Variants in RHBDD1 observed in about 807,000 individuals in gnomAD.
RHBDD1 encodes rhomboid-related protein 4.
A neutral mutation model predicts 36.3 loss-of-function variants in RHBDD1; 38 were observed. The observed-to-expected ratio is 1.05, with a 90% CI of 0.81 to 1.37. RHBDD1 has a LOEUF of 1.37. Ranked by LOEUF, RHBDD1 falls within the 40% of genes most tolerant of loss-of-function variation. The probability of loss-of-function intolerance (pLI) is 0.00; values close to 1 mark genes in which losing one functional copy is unlikely to be tolerated. For missense variants in RHBDD1, 393 were observed against 377.6 expected, an observed-to-expected ratio of 1.04 and a Z score of -0.34; for synonymous variants, 151 against 136.5, an observed-to-expected ratio of 1.11 and a Z score of -0.74.
chr2:226,865,173 G>A (rs763468835), intron 4 of RHBDD1, 47 bp downstream of exon 4: 7 of 1,397,318 alleles, frequency 5.0e-6, no homozygotes, highest in Non-Finnish European at 6.9e-6. Flanking sequence ...GGAAGCAAGG[G>A]AGGTGTGGCT....
chr2:226,850,274 C>G (rs948932787), intron 3 of RHBDD1, among the ~76,000 whole-genome samples: 1 of 152,046 alleles, frequency 6.6e-6, no homozygotes, highest in Non-Finnish European at 1.5e-5. Flanking sequence ...TGAGCAAACA[C>G]CTAAAGACAA....
At chr2:226,890,455 A>G (rs1946590782) in intron 5 of RHBDD1, among the ~76,000 whole-genome samples, 1 of 152,218 alleles carries the variant, frequency 6.6e-6, no homozygotes, top group Non-Finnish European at 1.5e-5. Flanking sequence ...TCTTCAGTGT[A>G]GTAACATTCT....
chr2:226,800,643 T>A, the RHBDD1 span, among the ~76,000 whole-genome samples: 2 of 152,214 alleles, frequency 1.3e-5, no homozygotes, highest in Non-Finnish European at 1.5e-5. Flanking sequence ...GAGAGGTCCC[T>A]TATCATATTC....
chr2:226,871,596 G>A (rs4675107), intron 5 of RHBDD1, among the ~76,000 whole-genome samples: 35,905 of 152,004 alleles, frequency 0.24, 7,897 homozygotes, highest in African/African-American at 0.59. Flanking sequence ...TTTCCATGAA[G>A]TTGACATTTT....
chr2:226,970,527 G>C (rs940005903), intron 8 of RHBDD1, among the ~76,000 whole-genome samples: 1 of 152,248 alleles, frequency 6.6e-6, no homozygotes, highest in Admixed American at 6.5e-5. Context: ...CAGAGGGCAC[G>C]GAAGCAGCCT....
intron 3 of RHBDD1, among the ~76,000 whole-genome samples, chr2:226,844,308 G>A (rs561633913): frequency 9.3e-5 from 13 of 139,452 alleles, no homozygotes; most frequent in East Asian, 2.1e-4. Flanking sequence ...GCCAAAGACC[G>A]CATCCAATGG....
chr2:226,915,482 T>C (rs1017522698), intron 8 of RHBDD1, among the ~76,000 whole-genome samples: 4 of 152,194 alleles, frequency 2.6e-5, no homozygotes, highest in Non-Finnish European at 5.9e-5. Flanking sequence ...CCAGTAGAGC[T>C]CTGCATGGGA....
chr2:226,851,503 A>G (rs1017649915), intron 3 of RHBDD1, among the ~76,000 whole-genome samples: 26 of 152,036 alleles, frequency 1.7e-4, no homozygotes, highest in African/African-American at 5.8e-4. Context: ...ACAACTAGCA[A>G]AAGTAGAGGT....
intron 3 of RHBDD1, among the ~76,000 whole-genome samples, chr2:226,844,833 T>C (rs184520558): frequency 6.6e-6 from 1 of 152,342 alleles, no homozygotes; most frequent in Non-Finnish European, 1.5e-5. Flanking sequence ...TAAATGGTGA[T>C]GGGTCAGAAT....
chr2:226,822,904 T>C, the RHBDD1 span, among the ~76,000 whole-genome samples: 1 of 151,978 alleles, frequency 6.6e-6, no homozygotes, highest in African/African-American at 2.4e-5. Context: ...GGCGGGTAGA[T>C]CACTTGAGGT....
chr2:226,906,454 T>C (rs753844355), intron 5 of RHBDD1, among the ~76,000 whole-genome samples: 4 of 152,176 alleles, frequency 2.6e-5, no homozygotes, highest in Non-Finnish European at 5.9e-5. Context: ...TGATTTTATT[T>C]ATGTTTTGTG....
At chr2:226,937,767 A>G (rs1950424714) in intron 8 of RHBDD1, among the ~76,000 whole-genome samples, 1 of 152,142 alleles carries the variant, frequency 6.6e-6, no homozygotes, top group Admixed American at 6.6e-5. Context: ...TGCACAAGAC[A>G]TCATTTCGGT....
At chr2:226,926,540 A>G (rs1478299213) in intron 8 of RHBDD1, among the ~76,000 whole-genome samples, 1 of 152,150 alleles carries the variant, frequency 6.6e-6, no homozygotes, top group Non-Finnish European at 1.5e-5. Flanking sequence ...GTATTTCTGT[A>G]TATATTGGCA....
chr2:226,868,568 C>G (rs575369666), intron 5 of RHBDD1, among the ~76,000 whole-genome samples: 2 of 152,294 alleles, frequency 1.3e-5, no homozygotes, highest in South Asian at 4.1e-4. Flanking sequence ...GGGTGAGATT[C>G]AGGAAGGTTC....
intron 3 of RHBDD1, among the ~76,000 whole-genome samples, chr2:226,845,943 CAGTT>C (rs766871321): frequency 2.0e-4 from 31 of 152,194 alleles, no homozygotes; most frequent in Admixed American, 3.9e-4. Flanking sequence ...TTGTAACTGA[CAGTT>C]AGTAGTTTGA....
chr2:226,954,883 A>G (rs1308262498), intron 8 of RHBDD1, among the ~76,000 whole-genome samples: 1 of 151,738 alleles, frequency 6.6e-6, no homozygotes, highest in Non-Finnish European at 1.5e-5. Flanking sequence ...AGGAGAGAGT[A>G]TGTTCATATA....
chr2:226,812,913 C>G, the RHBDD1 span, among the ~76,000 whole-genome samples: 1 of 152,142 alleles, frequency 6.6e-6, no homozygotes, highest in Non-Finnish European at 1.5e-5. Context: ...TAGGTAGGTA[C>G]TATTTTAAGC....
At chr2:226,918,501 A>T (rs976629384) in intron 8 of RHBDD1, among the ~76,000 whole-genome samples, 1 of 151,826 alleles carries the variant, frequency 6.6e-6, no homozygotes, top group Non-Finnish European at 1.5e-5. Context: ...CCGTCTTTTC[A>T]CTCTCTATCT....
At chr2:226,979,306 A>C (rs1309441180) in intron 8 of RHBDD1, among the ~76,000 whole-genome samples, 2 of 152,182 alleles carry the variant, frequency 1.3e-5, no homozygotes, top group Non-Finnish European at 2.9e-5. Context: ...AGGCTTATGG[A>C]CACATAGAAG....
Sources: gnomAD v4.1 joint callset for allele counts (sites outside exome capture counted in the v4.1 genomes callset) on GRCh38, gnomAD v4.1.1 for gene constraint, MANE v1.5 for transcripts, NCBI Gene and HGNC (gene_info 2026-07-23, HGNC 2026-07-21) for gene names.